The following VMP1 variants were observed in gnomAD, a reference collection of about 807,000 sequenced individuals.
VMP1 encodes the protein ectopic P-granules autophagy protein 3 homolog.
A neutral mutation model predicts 56.0 loss-of-function variants in VMP1; 11 were observed. The observed-to-expected ratio is 0.20, with a 90% CI of 0.12 to 0.32. VMP1 has a LOEUF of 0.32. Among genes scored for constraint, VMP1 ranks in the 10% least tolerant of loss-of-function variants. VMP1 has a pLI of 1.00. For missense variants in VMP1, 296 were observed against 490.3 expected (o/e 0.60, Z 3.74); for synonymous variants, 149 against 165.0 (o/e 0.90, Z 0.74).
chr17:59,712,684 T>G (rs2143696203), intron 1 of VMP1, among the ~76,000 whole-genome samples: 1 of 152,170 alleles, frequency 6.6e-6, no homozygotes, highest in East Asian at 1.9e-4. Flanking sequence ...AGACTTGGAA[T>G]ACATTGACAT....
intron 5 of VMP1, among the ~76,000 whole-genome samples, chr17:59,760,417 C>A (rs903292803): frequency 1.3e-5 from 2 of 151,494 alleles, no homozygotes; most frequent in Non-Finnish European, 2.9e-5. Flanking sequence ...GTATTTTTTT[C>A]TTTGACATTT....
At chr17:59,738,172 A>G (rs2035086847) in intron 4 of VMP1, among the ~76,000 whole-genome samples, 1 of 152,204 alleles carries the variant, frequency 6.6e-6, no homozygotes, top group African/African-American at 2.4e-5. Context: ...TTTGTGACCC[A>G]TCCAAATAGG....
chr17:59,767,092 C>G (rs1252873403), intron 6 of VMP1, among the ~76,000 whole-genome samples: 1 of 151,960 alleles, frequency 6.6e-6, no homozygotes, highest in Admixed American at 6.6e-5. Flanking sequence ...AGGAATAATT[C>G]ATGGGTTAAA....
At chr17:59,836,646 C>T (rs7213678) in intron 10 of VMP1, among the ~76,000 whole-genome samples, 5,597 of 151,096 alleles carry the variant, frequency 0.037, 370 homozygotes, top group African/African-American at 0.13. Flanking sequence ...TGTGCGCACA[C>T]ATGTGTGCGC....
At chr17:59,723,258 A>G (rs534073018) in intron 1 of VMP1, among the ~76,000 whole-genome samples, 1 of 152,368 alleles carries the variant, frequency 6.6e-6, no homozygotes, top group East Asian at 1.9e-4. Flanking sequence ...TGCCTTTGAA[A>G]GAAAGAATTG....
Position 59,773,757 on chromosome 17 carries a change from A to G in VMP1, c.586A>G (p.Ile196Val), listed in dbSNP as rs753705752. ...AGTATTTTGGTTTTTCACCTAGGGTATCGGTACAGCAATCGGAGAGCTGCC... is the reference window on the plus strand; with the variant it reads ...AGTATTTTGGTTTTTCACCTAGGGTGTCGGTACAGCAATCGGAGAGCTGCC... ...KVRIEACMWG[I>V]GTAIGELPPY... is the part of the protein sequence containing the mutation. The change falls in exon 7 of 12, where the codon ATC (isoleucine) becomes GTC (valine). Residue 196 changes from isoleucine (I) to valine (V), a missense_variant. By Grantham distance (29) the Ile-to-Val change is conservative (BLOSUM62 3). Transcript: ENST00000262291. 5 of 1,601,966 alleles carry G rather than the reference A, an allele frequency of 3.1e-6. No homozygotes were observed. The African/African-American group carries it at 6.7e-5, about 22-fold the overall frequency.
chr17:59,791,265 T>A (rs2037217403), intron 7 of VMP1, among the ~76,000 whole-genome samples: 1 of 150,812 alleles, frequency 6.6e-6, no homozygotes, highest in Non-Finnish European at 1.5e-5. Context: ...CTCGGCTGAC[T>A]GCAAGCTCCA....
rs578005233 is a variant in VMP1 at position 59,712,035 on chromosome 17, A to T, written c.-27+4287A>T. Among the ~76,000 whole-genome samples the T allele has an allele frequency of 2.6e-5, 4 of 152,284 alleles. No individual in the cohort carries two copies. In the South Asian group the frequency reaches 8.3e-4, roughly 32 times the overall value. ...GATTAGTTACTTTTTACTTCTTGCT[A>T]TCTCAGTTTCCTCCTGGACAATGAA... On this transcript the variant is annotated intron_variant, in intron 1 of 11. Coordinates refer to ENST00000262291, the MANE Select transcript of VMP1 (RefSeq NM_030938.5).
At chr17:59,720,850 G>T (rs896919657) in intron 1 of VMP1, among the ~76,000 whole-genome samples, 12 of 152,032 alleles carry the variant, frequency 7.9e-5, no homozygotes, top group Non-Finnish European at 1.2e-4. Flanking sequence ...GCAGACGCTT[G>T]TAATCCCAGC....
At position 59,729,019 on chromosome 17, in the gene VMP1, G is replaced by A. The variant is rs553327277; in HGVS notation, c.-26-2402G>A. 4.1e-4 allele frequency among the ~76,000 whole-genome samples: 63 copies of A among 152,184 alleles called. 1 individual carries two copies. Among genetic ancestry groups the A allele is most frequent in the Admixed American group, 3.3e-3 (51 of 15,284 alleles). ...CATATTCTGGAAATTTCATATAAAT[G>A]GGAATCATAACAAGTAGTCTTTTGT... On this transcript the variant is annotated intron_variant, in intron 1 of 11. Transcript: ENST00000262291.
At chr17:59,734,046 A>C (rs9901606) in intron 2 of VMP1, among the ~76,000 whole-genome samples, 39,271 of 152,080 alleles carry the variant, frequency 0.26, 5,439 homozygotes, top group East Asian at 0.44. Context: ...CCTTCATAGA[A>C]GGTGGACCAA....
chr17:59,817,507 A>G (rs999190646), intron 9 of VMP1, among the ~76,000 whole-genome samples: 2 of 151,316 alleles, frequency 1.3e-5, no homozygotes, highest in African/African-American at 4.9e-5. Flanking sequence ...ACATGTCACC[A>G]CCCCCAGCTA....
At chr17:59,825,757 G>C (rs562164017) in intron 10 of VMP1, among the ~76,000 whole-genome samples, 1 of 152,304 alleles carries the variant, frequency 6.6e-6, no homozygotes, top group Non-Finnish European at 1.5e-5. Context: ...GCTCTTCTTT[G>C]CTGTCTCCTA....
chr17:59,770,295 CT>C (rs2144017745), intron 6 of VMP1, among the ~76,000 whole-genome samples: 1 of 152,252 alleles, frequency 6.6e-6, no homozygotes, highest in South Asian at 2.1e-4. Flanking sequence ...TTCTGTCCTA[CT>C]TTTTTCTATG....
chr17:59,789,835 C>CCTTT (rs1555622180), intron 7 of VMP1, among the ~76,000 whole-genome samples: 2 of 85,978 alleles, frequency 2.3e-5, no homozygotes, highest in African/African-American at 9.7e-5. Context: ...CTTTCTTTCC[C>CCTTT]TTTTTTTTTT....
intron 1 of VMP1, among the ~76,000 whole-genome samples, chr17:59,711,384 G>T (rs956226106): frequency 3.3e-5 from 5 of 150,604 alleles, no homozygotes; most frequent in African/African-American, 4.8e-5. Context: ...TTGCCCAAGT[G>T]CCCTTGCTGT....
intron 2 of VMP1, among the ~76,000 whole-genome samples, chr17:59,734,767 A>G (rs1229806144): frequency 6.6e-6 from 1 of 151,928 alleles, no homozygotes; most frequent in Non-Finnish European, 1.5e-5. Flanking sequence ...AAACAATAAA[A>G]CTTATGAATT....
intron 5 of VMP1, among the ~76,000 whole-genome samples, chr17:59,762,815 C>T (rs1315430719): frequency 6.6e-6 from 1 of 152,042 alleles, no homozygotes; most frequent in Non-Finnish European, 1.5e-5. Flanking sequence ...TTTCCCTTTT[C>T]AGAATAACTA....
chr17:59,803,276 T>C (rs1212892994), intron 7 of VMP1, among the ~76,000 whole-genome samples: 1 of 152,198 alleles, frequency 6.6e-6, no homozygotes, highest in Non-Finnish European at 1.5e-5. Flanking sequence ...GGTACAGGCA[T>C]ATTCATAGTT....
Sources: allele counts gnomAD v4.1 joint callset (sites outside exome capture counted in the v4.1 genomes callset), GRCh38; gene constraint gnomAD v4.1.1; transcripts MANE v1.5; gene names NCBI Gene and HGNC (gene_info 2026-07-23, HGNC 2026-07-21).